Variants in PARN observed in about 807,000 individuals in gnomAD.
PARN encodes the protein poly(A)-specific ribonuclease.
In PARN, 71 loss-of-function variants were observed where a neutral mutation model predicts 102.8. That is an observed-to-expected ratio of 0.69 (90% CI 0.57 to 0.84). The LOEUF is 0.84. PARN is among the 40% of genes least tolerant of loss of function. The pLI, the probability that PARN is intolerant of heterozygous loss-of-function variation, is 0.00. For synonymous variants in PARN, 261 were observed against 252.9 expected, an observed-to-expected ratio of 1.03 and a Z score of -0.30; for missense variants, 782 against 760.9, an observed-to-expected ratio of 1.03 and a Z score of -0.33.
intron 23 of PARN, among the ~76,000 whole-genome samples, chr16:14,443,218 T>C (rs780730208): frequency 8.5e-5 from 13 of 152,342 alleles, no homozygotes; most frequent in Non-Finnish European, 1.8e-4. Flanking sequence ...CATTTTGTTA[T>C]CTGGGATTGG....
intron 11 of PARN, among the ~76,000 whole-genome samples, chr16:14,602,377 C>T (rs1303640544): frequency 6.6e-6 from 1 of 152,120 alleles, no homozygotes; most frequent in African/African-American, 2.4e-5. Flanking sequence ...TGCTCTGATC[C>T]AGTCCCAGTC....
In PARN at chr16:14,579,120, G is replaced by C. The variant is rs551444400; in HGVS notation, c.1262+1754C>G. ...TCCTGCCTTAGCCTCCCGAGTAGCT[G>C]GGAATACAGGCTAATTTTTGTACTT... On this transcript the variant is annotated intron_variant, in intron 18 of 23. Coordinates refer to ENST00000437198, the MANE Select transcript of PARN (RefSeq NM_002582.4). 8.6e-5 allele frequency among the ~76,000 whole-genome samples: 13 copies of C among 152,008 alleles called. No homozygotes were observed. In the East Asian group the frequency reaches 2.5e-3, roughly 29 times the overall value.
intron 18 of PARN, among the ~76,000 whole-genome samples, chr16:14,567,521 G>T (rs1968504961): frequency 6.6e-6 from 1 of 152,142 alleles, no homozygotes; most frequent in African/African-American, 2.4e-5. Context: ...AAAGCTGCAG[G>T]GCACAGGATA....
At chr16:14,585,980 C>A (rs1279751106) in intron 14 of PARN, among the ~76,000 whole-genome samples, 1 of 127,240 alleles carries the variant, frequency 7.9e-6, no homozygotes, top group Non-Finnish European at 1.7e-5. Flanking sequence ...CACAATGACT[C>A]TTTTTTTTTT....
chr16:14,567,776 G>A (rs922949216), intron 18 of PARN, among the ~76,000 whole-genome samples: 3 of 152,146 alleles, frequency 2.0e-5, no homozygotes, highest in Non-Finnish European at 2.9e-5. Context: ...CTGTGTTCTC[G>A]ACCCTAATGC....
chr16:14,476,606 G>C (rs1963065522), intron 22 of PARN, among the ~76,000 whole-genome samples: 1 of 152,170 alleles, frequency 6.6e-6, no homozygotes, highest in African/African-American at 2.4e-5. Context: ...GAGGTGGGAG[G>C]ATCACTTGAA....
rs1972337435 is a variant in PARN, at chr16:14,622,044, T to C, written c.328-4394A>G. Among the ~76,000 whole-genome samples the C allele has an allele frequency of 2.6e-5, 4 of 151,408 alleles. No individual in the cohort carries two copies. The South Asian group carries it at 8.3e-4, about 32-fold the overall frequency. ...TCTGTCCCTACTAAAAATACAAAAA[T>C]TAGCCAGGCATGGTGGCACGCATCT... On this transcript the variant is annotated intron_variant, in intron 5 of 23. Transcript: ENST00000437198.
intron 17 of PARN, among the ~76,000 whole-genome samples, chr16:14,581,745 C>A (rs938055325): frequency 6.6e-6 from 1 of 152,210 alleles, no homozygotes; most frequent in Middle Eastern, 3.4e-3. Context: ...CACAGCAAGA[C>A]CCTGTCTCTA....
Position 14,479,399 on chromosome 16 carries a change from T to G in PARN, c.1670+3239A>C, listed in dbSNP as rs949904496. Among the ~76,000 whole-genome samples, 3 of 151,406 alleles carry G rather than the reference T, an allele frequency of 2.0e-5. No individual in the cohort carries two copies. The East Asian group carries it at 5.8e-4, about 29-fold the overall frequency. ...TCATGCTACTGTACTCTACCCTGGA[T>G]GACAGAGTGAGACCCCCATCTCTAT... On this transcript the variant is annotated intron_variant, in intron 22 of 23. Coordinates refer to ENST00000437198, the MANE Select transcript of PARN (RefSeq NM_002582.4).
chr16:14,512,739 T>C (rs1463297798), intron 21 of PARN, among the ~76,000 whole-genome samples: 1 of 152,228 alleles, frequency 6.6e-6, no homozygotes, highest in Non-Finnish European at 1.5e-5. Flanking sequence ...TGGAGTTCTT[T>C]CCACTCTGCC....
At chr16:14,619,530 G>A (rs963990413) in intron 5 of PARN, among the ~76,000 whole-genome samples, 21 of 151,382 alleles carry the variant, frequency 1.4e-4, no homozygotes, top group South Asian at 4.2e-4. Context: ...TTTAGGAGAT[G>A]GTGGGAGGAT....
chr16:14,583,825 G>A (rs1215528522), intron 16 of PARN, among the ~76,000 whole-genome samples: 2 of 152,160 alleles, frequency 1.3e-5, no homozygotes, highest in East Asian at 3.8e-4. Context: ...GTGGCCCGAG[G>A]TGGCAAAACA....
intron 12 of PARN, among the ~76,000 whole-genome samples, chr16:14,593,869 T>G (rs539593948): frequency 1.3e-5 from 2 of 151,980 alleles, no homozygotes; most frequent in African/African-American, 4.8e-5. Flanking sequence ...CGGTGGTGCA[T>G]GCCTATAACT....
rs1442106301 is a variant in PARN at position 14,610,685 on chromosome 16, G to C, written c.513C>G (p.Val171=). ...YVSPNTSKCP[V]TIPEDQKKFI... is the part of the protein sequence containing the mutation. ...ACTTCTTTTGATCCTCAGGAATCGTGACAGGACATTTTGAAGTGTTAGGAG... is the reference window on the plus strand; with the variant it reads ...ACTTCTTTTGATCCTCAGGAATCGTCACAGGACATTTTGAAGTGTTAGGAG... Residue 171 remains valine (V), a synonymous_variant, in exon 7 of 24, where the codon GTC becomes GTG. Transcript: ENST00000437198. 5 of 1,610,812 alleles carry C rather than the reference G, an allele frequency of 3.1e-6. No individual in the cohort carries two copies. The African/African-American group carries it at 6.7e-5, about 22-fold the overall frequency.
intron 21 of PARN, among the ~76,000 whole-genome samples, chr16:14,492,760 T>C (rs1964126701): frequency 6.6e-6 from 1 of 152,162 alleles, no homozygotes; most frequent in Admixed American, 6.5e-5. Context: ...GTTTAATTAT[T>C]TAAAACCTAC....
chr16:14,629,160 T>A (rs1236812896), intron 2 of PARN, among the ~76,000 whole-genome samples: 1 of 152,212 alleles, frequency 6.6e-6, no homozygotes, highest in Non-Finnish European at 1.5e-5. Context: ...GTAAAGAGTT[T>A]CAGACTGTGA....
At chr16:14,616,788 A>G (rs1436530893) in intron 6 of PARN, among the ~76,000 whole-genome samples, 1 of 152,136 alleles carries the variant, frequency 6.6e-6, no homozygotes, top group Non-Finnish European at 1.5e-5. Flanking sequence ...GGGTTATAAA[A>G]AATAAACATA....
At chr16:14,598,593 T>C (rs1024944621) in intron 12 of PARN, among the ~76,000 whole-genome samples, 3 of 152,172 alleles carry the variant, frequency 2.0e-5, no homozygotes, top group African/African-American at 7.2e-5. Context: ...ATACCTGTAA[T>C]CTCAGCCACT....
chr16:14,453,811 C>T (rs1002007230), intron 22 of PARN, among the ~76,000 whole-genome samples: 3 of 152,088 alleles, frequency 2.0e-5, no homozygotes, highest in Admixed American at 1.3e-4. Flanking sequence ...TATTCATTTA[C>T]CAGTTGATGG....
Sources: gnomAD v4.1 joint callset for allele counts (sites outside exome capture counted in the v4.1 genomes callset) on GRCh38, gnomAD v4.1.1 for gene constraint, MANE v1.5 for transcripts, NCBI Gene and HGNC (gene_info 2026-07-23, HGNC 2026-07-21) for gene names.